SLC17A5: variants seen among roughly 807,000 people sequenced by gnomAD.
SLC17A5 encodes solute carrier family 17 member 5, also known as sialin.
A neutral mutation model predicts 59.4 loss-of-function variants in SLC17A5; 47 were observed. That is an observed-to-expected ratio of 0.79 (90% CI 0.63 to 1.01). The LOEUF (loss-of-function observed/expected upper bound fraction) is 1.01, where lower values mean the gene tolerates loss of function less well. SLC17A5 is among the 50% of genes least tolerant of loss of function. The probability of loss-of-function intolerance (pLI) is 0.00; values close to 1 mark genes in which losing one functional copy is unlikely to be tolerated. For synonymous variants in SLC17A5, 202 were observed against 210.7 expected (o/e 0.96, Z 0.36); for missense variants, 522 against 595.5 (o/e 0.88, Z 1.28).
intron 10 of SLC17A5, among the ~76,000 whole-genome samples, chr6:73,596,742 G>C (rs1766823990): frequency 6.6e-6 from 1 of 152,094 alleles, no homozygotes; most frequent in Non-Finnish European, 1.5e-5. Flanking sequence ...TGTAGTCCCA[G>C]CTACTCGGGA....
chr6:73,601,449 C>A (rs1318659460), intron 9 of SLC17A5, among the ~76,000 whole-genome samples: 1 of 135,970 alleles, frequency 7.4e-6, no homozygotes, highest in East Asian at 2.3e-4. Context: ...CCGCCCCGTC[C>A]GGGAGGGAGG....
intron 6 of SLC17A5, among the ~76,000 whole-genome samples, chr6:73,633,921 CAATTT>C (rs1315781725): frequency 6.6e-5 from 10 of 151,488 alleles, no homozygotes; most frequent in Non-Finnish European, 1.0e-4. Context: ...TCAATCATGA[CAATTT>C]AATAGGAAAA....
intron 3 of SLC17A5, among the ~76,000 whole-genome samples, chr6:73,640,316 A>C (rs1769222195): frequency 6.6e-6 from 1 of 152,260 alleles, no homozygotes; most frequent in Non-Finnish European, 1.5e-5. Flanking sequence ...ACCTCTACTG[A>C]TAAGAACAAA....
intron 8 of SLC17A5, among the ~76,000 whole-genome samples, chr6:73,615,076 G>A (rs903100055): frequency 2.6e-5 from 4 of 152,116 alleles, no homozygotes; most frequent in African/African-American, 9.7e-5. Context: ...TGATGCTACC[G>A]CCAGCTGGAC....
At chr6:73,638,800 T>C (rs1769145114) in intron 3 of SLC17A5, among the ~76,000 whole-genome samples, 1 of 144,266 alleles carries the variant, frequency 6.9e-6, no homozygotes, top group Non-Finnish European at 1.6e-5. Flanking sequence ...TGAGACACCA[T>C]CTCTTAAAAA....
Position 73,634,695 on chromosome 6 carries a change from G to T in SLC17A5, c.819+687C>A, listed in dbSNP as rs180864350. 7.0e-4 allele frequency among the ~76,000 whole-genome samples: 106 copies of T among 152,202 alleles called. 1 individual carries two copies. The highest frequency in any genetic ancestry group is 2.5e-3 in the African/African-American group (102 of 41,540). ...GATTACAGGAGTGAGCCATCAGGCTGGCCAAGCATCCTAAATCTTAAAATC... is the reference window on the plus strand; with the variant it reads ...GATTACAGGAGTGAGCCATCAGGCTTGCCAAGCATCCTAAATCTTAAAATC... On this transcript the variant is annotated intron_variant, in intron 6 of 10. Transcript: ENST00000355773.
intron 6 of SLC17A5, among the ~76,000 whole-genome samples, chr6:73,629,506 C>T (rs1768594664): frequency 6.6e-6 from 1 of 152,148 alleles, no homozygotes; most frequent in African/African-American, 2.4e-5. Context: ...GGTGTGGTGG[C>T]TCACGCTTGT....
chr6:73,644,003 T>C (rs1016067313), intron 2 of SLC17A5, among the ~76,000 whole-genome samples: 2 of 152,234 alleles, frequency 1.3e-5, no homozygotes, highest in African/African-American at 4.8e-5. Context: ...TTCTTGTTTT[T>C]CATCTTGCAA....
chr6:73,618,656 G>C, intron 7 of SLC17A5: 1 of 341,446 alleles, frequency 2.9e-6, no homozygotes, highest in Non-Finnish European at 5.6e-6. Context: ...TTAGATAAAA[G>C]ATTTAAAAAA....
chr6:73,600,489 A>C (rs1354925613), intron 9 of SLC17A5, 48 bp from the exon 10 acceptor site: 1 of 1,417,306 alleles, frequency 7.1e-7, no homozygotes, highest in South Asian at 1.2e-5. Flanking sequence ...ACACATTTAA[A>C]CAGCTTCATT....
chr6:73,652,212 G>A (rs1356774086), intron 1 of SLC17A5, among the ~76,000 whole-genome samples: 1 of 152,112 alleles, frequency 6.6e-6, no homozygotes, highest in Non-Finnish European at 1.5e-5. Flanking sequence ...GGAAGGACAG[G>A]GCCAGTACCA....
intron 6 of SLC17A5, among the ~76,000 whole-genome samples, chr6:73,634,007 G>T (rs1768887853): frequency 6.6e-6 from 1 of 152,098 alleles, no homozygotes; most frequent in Admixed American, 6.5e-5. Context: ...AAAACAAACT[G>T]TGTATATTTT....
At chr6:73,647,050 A>G (rs1426291891) in intron 1 of SLC17A5, among the ~76,000 whole-genome samples, 1 of 152,200 alleles carries the variant, frequency 6.6e-6, no homozygotes, top group Non-Finnish European at 1.5e-5. Context: ...TCAAAAATCT[A>G]GCTAAATGTG....
intron 7 of SLC17A5, chr6:73,618,349 C>G (rs1466001952): frequency 7.7e-6 from 2 of 260,440 alleles, no homozygotes; most frequent in Admixed American, 1.0e-4. Context: ...GAACACACCT[C>G]TTGCAAAAAA....
At position 73,610,392 on chromosome 6, in the gene SLC17A5, G is replaced by A; in HGVS notation, c.1259+8C>T. 1 of 1,613,522 alleles carries A rather than the reference G, an allele frequency of 6.2e-7. No homozygotes were observed. The highest frequency in any genetic ancestry group is 8.5e-7 in the Non-Finnish European group (1 of 1,179,594). ...TCAATCACAGCAAATCTTTATATTA[G>A]TACTCACGAAGGAGCAATATCCAGA... On this transcript the variant is annotated splice_region_variant and intron_variant, in intron 9 of 10. Transcript: ENST00000355773.
At chr6:73,621,699 G>A in intron 7 of SLC17A5, 105 bp downstream of exon 7, 1 of 943,124 alleles carries the variant, frequency 1.1e-6, no homozygotes, top group East Asian at 2.7e-5. Flanking sequence ...GGACAGCAGA[G>A]TAAAATGGAA....
In SLC17A5 at chr6:73,638,504, G is replaced by A. The variant is rs767259874; in HGVS notation, c.526-5C>T. 1 of 1,605,806 alleles carries A rather than the reference G, an allele frequency of 6.2e-7. No homozygotes were observed. Among genetic ancestry groups the A allele is most frequent in the South Asian group, 1.1e-5 (1 of 90,904 alleles). ...CATGGCTGGAAATGTAACACCCTGA[G>A]AGAAGGGAACATGATATTTCTGATG... On this transcript the variant is annotated splice_region_variant and splice_polypyrimidine_tract_variant and intron_variant, in intron 3 of 10. Transcript: ENST00000355773.
intron 6 of SLC17A5, among the ~76,000 whole-genome samples, chr6:73,631,057 A>G (rs1768683617): frequency 6.6e-6 from 1 of 151,338 alleles, no homozygotes; most frequent in South Asian, 2.1e-4. Context: ...AAAAGAAAAA[A>G]AAAAAAAAAG....
rs1282879225 is a variant in SLC17A5, at chr6:73,644,603, G to A, written c.95C>T (p.Ala32Val). The A allele has an allele frequency of 6.2e-7, 1 of 1,612,486 alleles. No individual in the cohort carries two copies. The highest frequency in any genetic ancestry group is 1.3e-5 in the African/African-American group (1 of 74,876). The change falls in exon 2 of 11, where the codon GCT (alanine) becomes GTT (valine). Residue 32 changes from alanine to valine, a missense_variant and splice_region_variant. Ala to Val is a moderately conservative substitution (Grantham distance 64, BLOSUM62 0). Coordinates refer to ENST00000355773, the MANE Select transcript of SLC17A5 (RefSeq NM_012434.5). ...GTAACGAGCAGAGCAGCACACTGGA[G>A]CTGAAATAAAGATTGGGGAAAATTT... is the stretch of plus-strand genomic sequence containing the variant. ...LLPGAPRAEA[A>V]PVCCSARYNL... is the part of the protein sequence containing the mutation.
Sources: allele counts gnomAD v4.1 joint callset (sites outside exome capture counted in the v4.1 genomes callset), GRCh38; gene constraint gnomAD v4.1.1; transcripts MANE v1.5; gene names NCBI Gene and HGNC (gene_info 2026-07-23, HGNC 2026-07-21).